CAMKMT: variants seen among roughly 807,000 people sequenced by gnomAD.
CAMKMT encodes the protein CaM KMT.
CAMKMT carries 53 observed loss-of-function variants against 48.0 expected under a neutral mutation model. The ratio of observed to expected loss-of-function variants is 1.10; its 90% confidence interval spans 0.89 to 1.39. CAMKMT has a LOEUF of 1.39. Among genes scored for constraint, CAMKMT ranks in the 40% most tolerant of loss-of-function variants. CAMKMT has a pLI of 0.00. For missense variants in CAMKMT, 428 were observed against 402.7 expected, an observed-to-expected ratio of 1.06 and a Z score of -0.54; for synonymous variants, 165 against 152.3, an observed-to-expected ratio of 1.08 and a Z score of -0.61.
At chr2:44,552,680 C>T (rs994249793) in intron 3 of CAMKMT, among the ~76,000 whole-genome samples, 1 of 152,128 alleles carries the variant, frequency 6.6e-6, no homozygotes, top group East Asian at 1.9e-4. Flanking sequence ...AATATTATTT[C>T]CATTTTACAT....
At chr2:44,417,427 T>C (rs1291291390) in intron 3 of CAMKMT, among the ~76,000 whole-genome samples, 1 of 152,078 alleles carries the variant, frequency 6.6e-6, no homozygotes, top group Admixed American at 6.6e-5. Context: ...AAAATAAATA[T>C]GCCCACAATT....
At chr2:44,739,264 A>G (rs1372587972) in intron 7 of CAMKMT, among the ~76,000 whole-genome samples, 1 of 152,220 alleles carries the variant, frequency 6.6e-6, no homozygotes, top group Non-Finnish European at 1.5e-5. Flanking sequence ...CAGATGAGAG[A>G]TGATAGTAGT....
intron 3 of CAMKMT, among the ~76,000 whole-genome samples, chr2:44,484,399 TAAG>T (rs1356498916): frequency 6.6e-6 from 1 of 151,928 alleles, no homozygotes. Flanking sequence ...AATAAAATGA[TAAG>T]GAGTCCAAAA....
chr2:44,576,327 T>TAAAAAAAAAAAAAAAA (rs569571059), intron 3 of CAMKMT, among the ~76,000 whole-genome samples: 1 of 76,698 alleles, frequency 1.3e-5, no homozygotes, highest in African/African-American at 4.5e-5. Context: ...AAACTCTGTC[T>TAAAAAAAAAAAAAAAA]AAAAAAAAAA....
At chr2:44,669,450 G>A (rs566770353) in intron 3 of CAMKMT, among the ~76,000 whole-genome samples, 2 of 152,234 alleles carry the variant, frequency 1.3e-5, no homozygotes, top group Admixed American at 1.3e-4. Flanking sequence ...ACTGAGGAGT[G>A]GAATTAGTGG....
chr2:44,725,019 A>G (rs894231607), intron 7 of CAMKMT, among the ~76,000 whole-genome samples: 2 of 152,184 alleles, frequency 1.3e-5, no homozygotes, highest in Non-Finnish European at 1.5e-5. Context: ...GTTCACCACA[A>G]TGAAGAATTG....
chr2:44,398,803 A>C (rs2104439367), intron 3 of CAMKMT, among the ~76,000 whole-genome samples: 1 of 152,212 alleles, frequency 6.6e-6, no homozygotes, highest in South Asian at 2.1e-4. Context: ...GTTATATTTG[A>C]CATTTATATG....
At chr2:44,692,946 C>T (rs559811397) in intron 3 of CAMKMT, among the ~76,000 whole-genome samples, 2 of 152,192 alleles carry the variant, frequency 1.3e-5, no homozygotes, top group Non-Finnish European at 2.9e-5. Flanking sequence ...ATCCTATATG[C>T]GTCTGCTGTA....
chr2:44,640,516 G>A (rs369386591), intron 3 of CAMKMT, among the ~76,000 whole-genome samples: 8 of 152,160 alleles, frequency 5.3e-5, no homozygotes, highest in Non-Finnish European at 1.0e-4. Context: ...TGTATGGTTT[G>A]TCCAAGTTAC....
At chr2:44,694,625 T>C (rs1299493581) in intron 3 of CAMKMT, among the ~76,000 whole-genome samples, 1 of 152,186 alleles carries the variant, frequency 6.6e-6, no homozygotes, top group African/African-American at 2.4e-5. Context: ...AACAAAGTGG[T>C]TGCTTATATT....
intron 3 of CAMKMT, among the ~76,000 whole-genome samples, chr2:44,472,047 A>ATAG (rs1390095619): frequency 6.6e-6 from 1 of 152,080 alleles, no homozygotes; most frequent in African/African-American, 2.4e-5. Context: ...ACTATTTATG[A>ATAG]TTCTTCCTAA....
intron 3 of CAMKMT, among the ~76,000 whole-genome samples, chr2:44,436,484 TG>T (rs1666263176): frequency 6.6e-6 from 1 of 152,108 alleles, no homozygotes; most frequent in Non-Finnish European, 1.5e-5. Context: ...AGACAAGGAT[TG>T]GGAAACTTTT....
chr2:44,704,832 A>G (rs114269595), intron 4 of CAMKMT, among the ~76,000 whole-genome samples: 1 of 152,062 alleles, frequency 6.6e-6, no homozygotes, highest in African/African-American at 2.4e-5. Context: ...ATATCTAACA[A>G]TATGTATTTG....
Position 44,526,538 on chromosome 2 carries a change from G to A in CAMKMT, c.376+136233G>A, listed in dbSNP as rs566984460. ...AAGAACCAGGTGGCCAGCAGTGCAA[G>A]TCTGTAAGTCCTGGTCTGAGTCCGA... is the stretch of plus-strand genomic sequence containing the variant. On this transcript the variant is annotated intron_variant, in intron 3 of 10. Coordinates refer to ENST00000378494, the MANE Select transcript of CAMKMT (RefSeq NM_024766.5). Among the ~76,000 whole-genome samples, 17 of 152,310 alleles carry A rather than the reference G, an allele frequency of 1.1e-4. No homozygotes were observed. The East Asian group carries it at 3.3e-3, about 29-fold the overall frequency.
At chr2:44,580,987 G>A (rs1001595304) in intron 3 of CAMKMT, among the ~76,000 whole-genome samples, 3 of 151,894 alleles carry the variant, frequency 2.0e-5, no homozygotes, top group South Asian at 2.1e-4. Context: ...GATGCTGGTG[G>A]GATTATTACT....
chr2:44,420,760 C>A (rs1371377604), intron 3 of CAMKMT, among the ~76,000 whole-genome samples: 1 of 151,590 alleles, frequency 6.6e-6, no homozygotes, highest in Admixed American at 6.6e-5. Flanking sequence ...AGGTTTGTAC[C>A]CAGGGCTTTC....
intron 3 of CAMKMT, among the ~76,000 whole-genome samples, chr2:44,490,269 T>A (rs569896377): frequency 3.5e-4 from 53 of 152,016 alleles, no homozygotes; most frequent in African/African-American, 1.2e-3. Context: ...TCTTGTCTTT[T>A]TCTTTCTTTC....
chr2:44,459,388 C>T (rs1425063210), intron 3 of CAMKMT, among the ~76,000 whole-genome samples: 1 of 151,996 alleles, frequency 6.6e-6, no homozygotes, highest in East Asian at 1.9e-4. Context: ...ACATTAAATG[C>T]CTGGTTGTTA....
At chr2:44,457,265 A>G (rs1667612735) in intron 3 of CAMKMT, 1 of 152,198 alleles carries the variant, frequency 6.6e-6, no homozygotes, top group Non-Finnish European at 1.5e-5. Context: ...GTATACTTAA[A>G]AAATGGAGAT....
Sources: allele counts gnomAD v4.1 joint callset (sites outside exome capture counted in the v4.1 genomes callset), GRCh38; gene constraint gnomAD v4.1.1; transcripts MANE v1.5; gene names NCBI Gene and HGNC (gene_info 2026-07-23, HGNC 2026-07-21).